XIRP2: variants seen among roughly 807,000 people sequenced by gnomAD.
The protein encoded by XIRP2 is xin actin-binding repeat-containing protein 2.
In XIRP2, 236 loss-of-function variants were observed where a neutral mutation model predicts 277.0. That is an observed-to-expected ratio of 0.85 (90% confidence interval 0.77 to 0.95). The LOEUF (loss-of-function observed/expected upper bound fraction) is 0.95. Among genes scored for constraint, XIRP2 ranks in the 40% least tolerant of loss-of-function variants. XIRP2 has a pLI of 0.00. For synonymous variants in XIRP2, 1,490 were observed against 1,416.5 expected (o/e 1.05, Z -1.17); for missense variants, 4,640 against 4,157.5 (o/e 1.12, Z -3.19).
intron 2 of XIRP2, among the ~76,000 whole-genome samples, chr2:167,034,717 T>G (rs1265479465): frequency 6.6e-6 from 1 of 151,938 alleles, no homozygotes; most frequent in Non-Finnish European, 1.5e-5. Flanking sequence ...GATAAAGGAG[T>G]CAATTCAGCA....
intron 2 of XIRP2, among the ~76,000 whole-genome samples, chr2:166,995,547 T>A (rs999470333): frequency 2.0e-5 from 3 of 152,202 alleles, no homozygotes; most frequent in African/African-American, 7.2e-5. Flanking sequence ...ATTTGTTCTA[T>A]TGCAATTGAG....
chr2:167,060,585 T>G (rs1442423221), intron 2 of XIRP2, among the ~76,000 whole-genome samples: 3 of 152,210 alleles, frequency 2.0e-5, no homozygotes, highest in Non-Finnish European at 4.4e-5. Flanking sequence ...ATTGACTCAG[T>G]ATCATTTATT....
At chr2:166,897,092 C>T (rs1020357766) in intron 1 of XIRP2, among the ~76,000 whole-genome samples, 6 of 152,176 alleles carry the variant, frequency 3.9e-5, no homozygotes, top group African/African-American at 1.4e-4. Context: ...ACAAACAATA[C>T]ATTGCTCAGA....
chr2:167,215,698 T>G (rs888288908), intron 4 of XIRP2, among the ~76,000 whole-genome samples: 2 of 152,116 alleles, frequency 1.3e-5, no homozygotes. Flanking sequence ...TTTGAAGTAT[T>G]GCCAAGTCTT....
intron 2 of XIRP2, among the ~76,000 whole-genome samples, chr2:166,938,878 G>C (rs1184563542): frequency 6.6e-6 from 1 of 152,034 alleles, no homozygotes; most frequent in East Asian, 1.9e-4. Flanking sequence ...ATCTTTGTTG[G>C]TTTAAAGTCT....
chr2:167,239,844 T>C lies in XIRP2; in HGVS notation c.859-11T>C. 8 of 1,597,366 alleles carry C rather than the reference T, an allele frequency of 5.0e-6. No individual in the cohort carries two copies. Among genetic ancestry groups the C allele is most frequent in the Non-Finnish European group, 6.8e-6 (8 of 1,174,116 alleles). ...TCTTAAGGCATTGTCTGTCTGTCTGTGTGCTTTCAGGAGGCAATTCATAGC... is the reference window on the plus strand; with the variant it reads ...TCTTAAGGCATTGTCTGTCTGTCTGCGTGCTTTCAGGAGGCAATTCATAGC... On this transcript the variant is annotated splice_polypyrimidine_tract_variant and intron_variant, in intron 5 of 10. Coordinates refer to ENST00000409195, the MANE Select transcript of XIRP2 (RefSeq NM_152381.6).
At chr2:167,186,761 G>A (rs1693166868) in intron 3 of XIRP2, among the ~76,000 whole-genome samples, 1 of 151,426 alleles carries the variant, frequency 6.6e-6, no homozygotes, top group African/African-American at 2.4e-5. Context: ...CACAGCAAGG[G>A]TGCTCTCTAT....
Position 167,258,366 on chromosome 2 carries a change from C to A in XIRP2, c.*549C>A. The stretch of plus-strand genomic sequence containing the variant: ...TTTTTGCAGCCTTATCTACAGTCCA[C>A]CCATGTTTGTCAGAAAGAGGATGTT... On this transcript the variant is annotated 3_prime_UTR_variant, in exon 11 of 11. Coordinates refer to ENST00000409195, the MANE Select transcript of XIRP2 (RefSeq NM_152381.6). 1 of 1,613,146 alleles carries A rather than the reference C, an allele frequency of 6.2e-7. No homozygotes were observed. The highest frequency in any genetic ancestry group is 8.5e-7 in the Non-Finnish European group (1 of 1,179,592).
At chr2:166,922,142 TC>T (rs1466925240) in intron 2 of XIRP2, among the ~76,000 whole-genome samples, 2 of 152,132 alleles carry the variant, frequency 1.3e-5, no homozygotes, top group African/African-American at 4.8e-5. Flanking sequence ...GATTCCAGTT[TC>T]CTTAGTGCAT....
Position 167,122,909 on chromosome 2 carries a change from G to A in XIRP2, c.409-13000G>A, listed in dbSNP as rs149250008. Among the ~76,000 whole-genome samples the A allele has an allele frequency of 1.6e-3, 251 of 152,154 alleles. 1 individual carries two copies. Among genetic ancestry groups the A allele is most frequent in the African/African-American group, 5.5e-3 (227 of 41,524 alleles). On this transcript the variant is annotated intron_variant, in intron 2 of 10. Coordinates refer to ENST00000409195, the MANE Select transcript of XIRP2 (RefSeq NM_152381.6). Reference sequence around the variant, plus strand: ...TTTTTATTTGGGTCTTCATGCCAGGGACTTCCATGGGACTGTGTGCCTTAA... The same window carrying A: ...TTTTTATTTGGGTCTTCATGCCAGGAACTTCCATGGGACTGTGTGCCTTAA...
intron 2 of XIRP2, among the ~76,000 whole-genome samples, chr2:167,076,477 C>A (rs1305275706): frequency 6.6e-6 from 1 of 151,980 alleles, no homozygotes; most frequent in African/African-American, 2.4e-5. Context: ...AATGAACTTG[C>A]AAAATGATTC....
At chr2:167,079,274 G>T (rs1689665919) in intron 2 of XIRP2, among the ~76,000 whole-genome samples, 1 of 152,076 alleles carries the variant, frequency 6.6e-6, no homozygotes. Flanking sequence ...ATTTTGTTGG[G>T]GAATGTTGGC....
chr2:167,161,025 C>G (rs1692347683), intron 3 of XIRP2, among the ~76,000 whole-genome samples: 5 of 152,194 alleles, frequency 3.3e-5, no homozygotes, highest in Admixed American at 3.3e-4. Flanking sequence ...AGTCCAAAAT[C>G]CAGCAGGGCA....
chr2:167,210,596 G>A (rs1693995432), intron 3 of XIRP2, 139 bp from the exon 4 acceptor site: 1 of 1,186,590 alleles, frequency 8.4e-7, no homozygotes, highest in Non-Finnish European at 1.2e-6. Context: ...AGATGACCAT[G>A]AGACATTGAA....
chr2:167,031,781 C>A lies in XIRP2; in HGVS notation c.409-104128C>A, dbSNP rs373781551. On this transcript the variant is annotated intron_variant, in intron 2 of 10. Transcript: ENST00000409195. ...GGACCTCTTCCAGGAGAACTAGAAACCACTGCTCAATGAAATAAGAGAGGA... is the reference window on the plus strand; with the variant it reads ...GGACCTCTTCCAGGAGAACTAGAAAACACTGCTCAATGAAATAAGAGAGGA... Among the ~76,000 whole-genome samples the A allele has an allele frequency of 7.5e-4, 114 of 152,132 alleles. 1 individual carries two copies. The highest frequency in any genetic ancestry group is 2.7e-3 in the African/African-American group (112 of 41,514).
Position 167,244,281 on chromosome 2 carries a change from A to G in XIRP2, c.2889A>G (p.Ser963=). The change falls in exon 9 of 11, where the codon TCA becomes TCG. Residue 963 remains serine (S), a synonymous_variant. Transcript: ENST00000409195. ...ACAATTTAATTAAATTTGATGCATC[A>G]CATAAAATAGAGGTGGAAGGAGTTA... The part of the protein sequence containing the change: ...ESNNLIKFDA[S]HKIEVEGVTR... 6.2e-7 allele frequency: 1 copy of G among 1,613,884 alleles called. No individual in the cohort carries two copies. Among genetic ancestry groups the G allele is most frequent in the Non-Finnish European group, 8.5e-7 (1 of 1,179,872 alleles).
Position 167,243,363 on chromosome 2 carries a change from G to A in XIRP2, c.1971G>A (p.Met657Ile), listed in dbSNP as rs1233835926. ...GAGATGTCTGCACAGCTCGGTGGAT[G>A]TTTGAAACAAGGCCATTGGACTCAA... ...ARGDVCTARWMFETRPLDSMN... is the reference protein window; with the variant it reads ...ARGDVCTARWIFETRPLDSMN... Residue 657 changes from methionine (M) to isoleucine (I), a missense_variant, in exon 9 of 11, where the codon ATG becomes ATA. Coordinates refer to ENST00000409195, the MANE Select transcript of XIRP2 (RefSeq NM_152381.6). The A allele has an allele frequency of 6.2e-7, 1 of 1,614,010 alleles. No individual in the cohort carries two copies. The highest frequency in any genetic ancestry group is 1.3e-5 in the African/African-American group (1 of 74,934).
At chr2:167,255,079 T>G (rs1695620414) in intron 10 of XIRP2, among the ~76,000 whole-genome samples, 1 of 151,790 alleles carries the variant, frequency 6.6e-6, no homozygotes, top group Non-Finnish European at 1.5e-5. Context: ...CAGGCACCTG[T>G]GTGGGGGACT....
intron 5 of XIRP2, among the ~76,000 whole-genome samples, chr2:167,233,407 G>A (rs1262006398): frequency 1.3e-5 from 2 of 151,924 alleles, no homozygotes; most frequent in East Asian, 1.9e-4. Flanking sequence ...TATTCTGGCT[G>A]TATAAGATTG....
Sources: allele counts gnomAD v4.1 joint callset (sites outside exome capture counted in the v4.1 genomes callset), GRCh38; gene constraint gnomAD v4.1.1; transcripts MANE v1.5; gene names NCBI Gene and HGNC (gene_info 2026-07-23, HGNC 2026-07-21).